Variants in ZNF438 observed in about 807,000 individuals in gnomAD.
The protein encoded by ZNF438 is zinc finger protein 438.
Under a neutral mutation model 38.0 loss-of-function variants are expected in ZNF438, and 25 were observed. The ratio of observed to expected loss-of-function variants is 0.66; its 90% CI spans 0.48 to 0.92. ZNF438 has a LOEUF of 0.92. ZNF438 is among the 40% of genes least tolerant of loss of function. ZNF438 has a pLI of 0.00. For synonymous variants in ZNF438, 372 were observed against 364.1 expected (o/e 1.02, Z -0.25); for missense variants, 1,007 against 999.6 (o/e 1.01, Z -0.10).
At chr10:30,978,017 T>C (rs1187604405) in intron 1 of ZNF438, among the ~76,000 whole-genome samples, 1 of 150,450 alleles carries the variant, frequency 6.6e-6, no homozygotes, top group South Asian at 2.1e-4. Flanking sequence ...GACATTGGTA[T>C]GTTGGTATGT....
chr10:30,920,540 G>T (rs927837723), intron 2 of ZNF438: 1 of 152,164 alleles, frequency 6.6e-6, no homozygotes, highest in Non-Finnish European at 1.5e-5. Flanking sequence ...CTTCTCCTGA[G>T]AGAAGTAAAA....
chr10:30,954,997 T>C (rs777322359), intron 1 of ZNF438, among the ~76,000 whole-genome samples: 10 of 152,208 alleles, frequency 6.6e-5, no homozygotes, highest in African/African-American at 1.4e-4. Context: ...AACATCAGTA[T>C]ATCAAAATTT....
intron 4 of ZNF438, among the ~76,000 whole-genome samples, chr10:30,863,590 T>C (rs2035935142): frequency 6.6e-6 from 1 of 152,222 alleles, no homozygotes; most frequent in Non-Finnish European, 1.5e-5. Flanking sequence ...TTGAAGGGAA[T>C]ATCTATTCTC....
At chr10:30,970,840 T>C (rs894400033) in intron 1 of ZNF438, among the ~76,000 whole-genome samples, 3 of 152,222 alleles carry the variant, frequency 2.0e-5, no homozygotes, top group Non-Finnish European at 4.4e-5. Flanking sequence ...TTTCAAACCA[T>C]TAACTAGTGA....
chr10:30,904,694 T>A (rs746565846), intron 3 of ZNF438, among the ~76,000 whole-genome samples: 1 of 152,198 alleles, frequency 6.6e-6, no homozygotes, highest in African/African-American at 2.4e-5. Flanking sequence ...TTTCTTTGTC[T>A]CATTCACACT....
chr10:30,902,459 G>C (rs537732263), intron 3 of ZNF438, among the ~76,000 whole-genome samples: 39 of 152,202 alleles, frequency 2.6e-4, no homozygotes, highest in African/African-American at 9.4e-4. Flanking sequence ...CCCTTAACTA[G>C]ACATAAAGAT....
At chr10:30,925,915 T>C (rs2044857417) in intron 2 of ZNF438, among the ~76,000 whole-genome samples, 1 of 152,004 alleles carries the variant, frequency 6.6e-6, no homozygotes, top group African/African-American at 2.4e-5. Flanking sequence ...CTTTCCCTAA[T>C]ACAAGAAAAA....
chr10:30,969,468 G>A (rs2050508186), intron 1 of ZNF438, among the ~76,000 whole-genome samples: 1 of 152,170 alleles, frequency 6.6e-6, no homozygotes, highest in East Asian at 1.9e-4. Context: ...GACACTGTAA[G>A]AAGCTAAAGG....
At chr10:30,938,024 T>C (rs2046428531) in intron 2 of ZNF438, among the ~76,000 whole-genome samples, 1 of 152,210 alleles carries the variant, frequency 6.6e-6, no homozygotes, top group South Asian at 2.1e-4. Flanking sequence ...AACAGGTTTA[T>C]GTTCCATGCC....
intron 3 of ZNF438, among the ~76,000 whole-genome samples, chr10:30,906,989 T>C (rs907638290): frequency 2.0e-5 from 3 of 152,220 alleles, no homozygotes; most frequent in African/African-American, 7.2e-5. Flanking sequence ...TCTTTGTTAG[T>C]TTAAGACATA....
At chr10:30,969,644 G>C (rs976609867) in intron 1 of ZNF438, among the ~76,000 whole-genome samples, 3 of 152,136 alleles carry the variant, frequency 2.0e-5, no homozygotes, top group African/African-American at 7.2e-5. Context: ...TATACCAAAT[G>C]CAAGCTCAGT....
At chr10:30,908,757 G>T (rs892218550) in intron 3 of ZNF438, among the ~76,000 whole-genome samples, 176 bp downstream of exon 4, 7 of 152,098 alleles carry the variant, frequency 4.6e-5, no homozygotes, top group African/African-American at 1.4e-4. Flanking sequence ...CTTTCTGAAA[G>T]AAATATCATA....
chr10:30,880,021 C>CA (rs1564555288), intron 3 of ZNF438, among the ~76,000 whole-genome samples: 2 of 151,914 alleles, frequency 1.3e-5, no homozygotes, highest in Non-Finnish European at 2.9e-5. Flanking sequence ...ATATCATTGC[C>CA]AAACTGCTCA....
chr10:31,003,791 T>A (rs2054877356), intron 1 of ZNF438, among the ~76,000 whole-genome samples: 1 of 152,196 alleles, frequency 6.6e-6, no homozygotes, highest in Non-Finnish European at 1.5e-5. Context: ...TGAGATCATG[T>A]CATTTCTTGG....
intron 3 of ZNF438, among the ~76,000 whole-genome samples, chr10:30,879,046 A>G (rs1303881198): frequency 6.6e-6 from 1 of 152,132 alleles, no homozygotes; most frequent in Non-Finnish European, 1.5e-5. Context: ...ATACTGGAAA[A>G]GAGAGCTACA....
chr10:30,857,289 C>A (rs1329411359), intron 4 of ZNF438, among the ~76,000 whole-genome samples: 1 of 134,760 alleles, frequency 7.4e-6, no homozygotes, highest in African/African-American at 2.8e-5. Context: ...CACAGTCTTG[C>A]TGTCACCCAG....
At chr10:30,856,298 TC>T (rs1397250336) in intron 4 of ZNF438, among the ~76,000 whole-genome samples, 1 of 152,242 alleles carries the variant, frequency 6.6e-6, no homozygotes, top group Non-Finnish European at 1.5e-5. Context: ...AAATTATTCC[TC>T]CAAACATTTG....
At chr10:30,941,098 GTC>G (rs1164551271) in intron 2 of ZNF438, among the ~76,000 whole-genome samples, 1 of 113,736 alleles carries the variant, frequency 8.8e-6, no homozygotes, top group Non-Finnish European at 2.3e-5. Context: ...TTGACATGGA[GTC>G]TCGTTCTGTT....
At chr10:30,930,826 A>AAAAAAAAAAAAAAAAAAAAAAC in intron 2 of ZNF438, among the ~76,000 whole-genome samples, 1 of 117,334 alleles carries the variant, frequency 8.5e-6, no homozygotes, top group Admixed American at 9.0e-5. Flanking sequence ...AAAAAAAAAA[A>AAAAAAAAAAAAAAAAAAAAAAC]AAAAAAAAGC....
Sources: allele counts gnomAD v4.1 joint callset (sites outside exome capture counted in the v4.1 genomes callset), GRCh38; gene constraint gnomAD v4.1.1; transcripts MANE v1.5; gene names NCBI Gene and HGNC (gene_info 2026-07-23, HGNC 2026-07-21).